ZIM2: variants seen among roughly 807,000 people sequenced by gnomAD.
ZIM2 encodes the protein zinc finger protein 656.
Under a neutral mutation model 38.6 loss-of-function variants are expected in ZIM2, and 14 were observed. The ratio of observed to expected loss-of-function variants is 0.36; its 90% CI spans 0.24 to 0.57. ZIM2 has a LOEUF of 0.57. Among genes scored for constraint, ZIM2 ranks in the 20% least tolerant of loss-of-function variants. The pLI, the probability that ZIM2 is intolerant of heterozygous loss-of-function variation, is 0.81. For synonymous variants in ZIM2, 247 were observed against 245.8 expected (o/e 1.00, Z -0.04); for missense variants, 680 against 695.1 (o/e 0.98, Z 0.24).
In ZIM2 at chr19:56,789,822, A is replaced by G. The variant is rs765374406; in HGVS notation, c.570+50T>C. The G allele has an allele frequency of 2.8e-6, 4 of 1,423,034 alleles. No individual in the cohort carries two copies. The East Asian group carries it at 9.8e-5, about 35-fold the overall frequency. The allele number at this position is 1,423,034 out of a possible 1,614,324, so 88.2% of individuals were successfully genotyped here. A position where few individuals can be genotyped will look rare whatever the true frequency, so the allele number is the denominator to read the frequency against. ...AAATAAGGAAGTCCACAAATTAGGA[A>G]GATAAGATCCCCATATTTGATAACC... On this transcript the variant is annotated intron_variant, in intron 10 of 12. Coordinates refer to ENST00000629319, the MANE Select transcript of ZIM2 (RefSeq NM_001387356.1).
chr19:56,823,012 C>T (rs995156605), intron 5 of ZIM2, among the ~76,000 whole-genome samples, 176 bp from the exon 6 acceptor site: 7 of 152,318 alleles, frequency 4.6e-5, no homozygotes, highest in South Asian at 2.1e-4. Flanking sequence ...ATCATATACC[C>T]GCAACATGGT....
In ZIM2 at chr19:56,794,178, T is replaced by C. The variant is rs576608086; in HGVS notation, c.491-4227A>G. On this transcript the variant is annotated intron_variant, in intron 9 of 12. Transcript: ENST00000629319. ...CCCATATAAAGCAGAGAAAAGGTGG[T>C]AAACCAAAATACTGTGCCAGTGGGT... is the stretch of plus-strand genomic sequence containing the variant. 5.3e-5 allele frequency among the ~76,000 whole-genome samples: 8 copies of C among 152,342 alleles called. No homozygotes were observed. In the South Asian group the frequency reaches 1.7e-3, roughly 32 times the overall value.
At chr19:56,803,309 C>G (rs1483416361) in intron 9 of ZIM2, among the ~76,000 whole-genome samples, 1 of 152,194 alleles carries the variant, frequency 6.6e-6, no homozygotes, top group Non-Finnish European at 1.5e-5. Context: ...GAAGTGTACT[C>G]CAGTAGCCCA....
chr19:56,829,615 G>C (rs1241165870), intron 2 of ZIM2, among the ~76,000 whole-genome samples: 1 of 152,208 alleles, frequency 6.6e-6, no homozygotes. Context: ...TTCTCCTGCA[G>C]GGCTACCTGA....
At chr19:56,789,400 G>T (rs745685651) in intron 10 of ZIM2, among the ~76,000 whole-genome samples, 12 of 152,076 alleles carry the variant, frequency 7.9e-5, no homozygotes, top group Non-Finnish European at 1.5e-4. Context: ...AGACTGCCTG[G>T]GTTCATATCT....
At chr19:56,816,537 A>G (rs768878234) in intron 9 of ZIM2, 1 of 1,613,760 alleles carries the variant, frequency 6.2e-7, no homozygotes, top group Non-Finnish European at 8.5e-7. Context: ...TATGAAGGAA[A>G]GTCTCCCCAC....
intron 2 of ZIM2, among the ~76,000 whole-genome samples, chr19:56,831,851 T>C (rs1303166150): frequency 1.3e-5 from 2 of 152,242 alleles, no homozygotes; most frequent in Non-Finnish European, 2.9e-5. Context: ...TTGTTCTTAC[T>C]GCAAATATTC....
chr19:56,788,006 T>C (rs1223951938), intron 10 of ZIM2, among the ~76,000 whole-genome samples: 1 of 151,986 alleles, frequency 6.6e-6, no homozygotes, highest in African/African-American at 2.4e-5. Context: ...CCTTTATTAG[T>C]CTGGTAAGCA....
At position 56,837,876 on chromosome 19, in the gene ZIM2, T is replaced by C. The variant is rs117714665; in HGVS notation, c.-313-1772A>G. 4.8e-3 allele frequency among the ~76,000 whole-genome samples: 733 copies of C among 152,172 alleles called. 15 individuals are homozygous for C. In the East Asian group the frequency reaches 0.052, roughly 11 times the overall value. The stretch of plus-strand genomic sequence containing the variant: ...GTACTAGGATGGACGGGGCTCACGC[T>C]CACTCCTACAGCGCAGCTGTCATTC... On this transcript the variant is annotated intron_variant, in intron 1 of 12. Transcript: ENST00000629319.
rs1185103023 is a variant in ZIM2 at position 56,817,063 on chromosome 19, G to A, written c.490+683C>T. On this transcript the variant is annotated intron_variant, in intron 9 of 12. Transcript: ENST00000629319. ...AACAAATTCTGAGATGACACTGAACGACCTCCCACACTCATCACATACATA... is the reference window on the plus strand; with the variant it reads ...AACAAATTCTGAGATGACACTGAACAACCTCCCACACTCATCACATACATA... 54 of 1,614,040 alleles carry A rather than the reference G, an allele frequency of 3.3e-5. No homozygotes were observed. In the East Asian group the frequency reaches 1.0e-3, roughly 31 times the overall value.
intron 1 of ZIM2, among the ~76,000 whole-genome samples, chr19:56,840,050 G>A (rs532466596): frequency 2.2e-4 from 33 of 152,340 alleles, no homozygotes; most frequent in African/African-American, 7.5e-4. Context: ...GAGGGTAGCC[G>A]GGCACGCCGG....
chr19:56,821,694 C>T lies in ZIM2; in HGVS notation c.251G>A (p.Arg84Lys), dbSNP rs2146303183. ...VVAKTSFEMD[R>K]EDDRDSRAYE... ...AGCCCTGGAGTCCCTGTCGTCCTCTCTGTCCATTTCAAAGCTTGTTTTCGC... is the reference window on the plus strand; with the variant it reads ...AGCCCTGGAGTCCCTGTCGTCCTCTTTGTCCATTTCAAAGCTTGTTTTCGC... Residue 84 changes from arginine (R) to lysine (K), a missense_variant, in exon 7 of 13, where the codon AGA becomes AAA. Arg to Lys is a conservative substitution (Grantham distance 26, BLOSUM62 2). Transcript: ENST00000629319. 1 of 1,614,068 alleles carries T rather than the reference C, an allele frequency of 6.2e-7. No individual in the cohort carries two copies. The highest frequency in any genetic ancestry group is 1.1e-5 in the South Asian group (1 of 91,076).
intron 9 of ZIM2, chr19:56,811,393 CCTG>C (rs2059532140): frequency 3.5e-6 from 3 of 867,340 alleles, no homozygotes; most frequent in Non-Finnish European, 4.2e-6. Flanking sequence ...ACTTTCGTGT[CCTG>C]CTTTCTCCAC....
At chr19:56,806,738 G>A (rs2047775383) in intron 9 of ZIM2, among the ~76,000 whole-genome samples, 1 of 152,150 alleles carries the variant, frequency 6.6e-6, no homozygotes, top group African/African-American at 2.4e-5. Context: ...GCCTTTAGGA[G>A]GTGATTAGGT....
intron 9 of ZIM2, 182 bp downstream of exon 9, chr19:56,817,564 G>A (rs1395872454): frequency 1.3e-6 from 2 of 1,591,808 alleles, no homozygotes; most frequent in Non-Finnish European, 1.7e-6. Flanking sequence ...TTTGGCTTCA[G>A]GCATAGTTTT....
intron 9 of ZIM2, chr19:56,815,828 G>A (rs2059928527): frequency 1.2e-6 from 2 of 1,613,086 alleles, no homozygotes; most frequent in Non-Finnish European, 1.7e-6. Flanking sequence ...ATCTTCTGTC[G>A]CTTATCATTA....
chr19:56,796,648 C>A (rs2047245009), intron 9 of ZIM2, among the ~76,000 whole-genome samples: 1 of 152,158 alleles, frequency 6.6e-6, no homozygotes, highest in African/African-American at 2.4e-5. Context: ...CTCAGTGAGT[C>A]CACTAAAGGT....
chr19:56,824,753 A>G (rs2060856862), intron 3 of ZIM2: 2 of 1,170,162 alleles, frequency 1.7e-6, no homozygotes, highest in African/African-American at 3.1e-5. Flanking sequence ...TGTGGATCGT[A>G]AGGAGATATA....
rs764581585 is a variant in ZIM2, at chr19:56,824,329, T to C, written c.-52A>G. 1 of 1,614,048 alleles carries C rather than the reference T, an allele frequency of 6.2e-7. No individual in the cohort carries two copies. On this transcript the variant is annotated 5_prime_UTR_variant, in exon 4 of 13. Coordinates refer to ENST00000629319, the MANE Select transcript of ZIM2 (RefSeq NM_001387356.1). ...CGAGCTTCTCACAGTTCTCCGGCTT[T>C]TTTGCTCGCACCCAAGGCTTGAGCT...
Sources: gnomAD v4.1 joint callset for allele counts (sites outside exome capture counted in the v4.1 genomes callset) on GRCh38, gnomAD v4.1.1 for gene constraint, MANE v1.5 for transcripts, NCBI Gene and HGNC (gene_info 2026-07-23, HGNC 2026-07-21) for gene names.